The following NEDD4 variants were observed in gnomAD, a reference collection of about 807,000 sequenced individuals.
NEDD4 encodes the protein NEDD4 E3 ubiquitin protein ligase.
Under a neutral mutation model 144.9 loss-of-function variants are expected in NEDD4, and 99 were observed. The observed-to-expected ratio is 0.68, with a 90% confidence interval of 0.58 to 0.81. The LOEUF is 0.81. NEDD4 is among the 30% of genes least tolerant of loss of function. The pLI is 0.00. For missense variants in NEDD4, 985 were observed against 1,065.9 expected, an observed-to-expected ratio of 0.92 and a Z score of 1.06; for synonymous variants, 318 against 350.6, an observed-to-expected ratio of 0.91 and a Z score of 1.04.
At chr15:55,928,335 T>C (rs1418232850) in intron 4 of NEDD4, among the ~76,000 whole-genome samples, 2 of 152,132 alleles carry the variant, frequency 1.3e-5, no homozygotes, top group African/African-American at 2.4e-5. Flanking sequence ...TAATCTATCT[T>C]TCGTACTGTA....
At chr15:55,853,748 G>A (rs1464248509) in intron 12 of NEDD4, among the ~76,000 whole-genome samples, 1 of 152,190 alleles carries the variant, frequency 6.6e-6, no homozygotes, top group Non-Finnish European at 1.5e-5. Flanking sequence ...CAGCACTTTT[G>A]GGGGCTGAGG....
At chr15:55,899,994 G>A (rs1445661502) in intron 5 of NEDD4, among the ~76,000 whole-genome samples, 4 of 151,668 alleles carry the variant, frequency 2.6e-5, no homozygotes, top group African/African-American at 9.7e-5. Context: ...AGTTCTTGCT[G>A]TCTCTGAGAT....
intron 9 of NEDD4, among the ~76,000 whole-genome samples, chr15:55,862,438 G>A (rs542397174): frequency 4.2e-4 from 64 of 152,284 alleles, no homozygotes; most frequent in African/African-American, 5.8e-4. Flanking sequence ...TGATCTGTGC[G>A]TGCTGGAAGT....
intron 24 of NEDD4, 74 bp from the exon 25 acceptor site, chr15:55,834,360 T>A: frequency 3.4e-6 from 3 of 882,306 alleles, no homozygotes; most frequent in Non-Finnish European, 5.4e-6. Context: ...TTCTGGATGC[T>A]ACTGGAGGAA....
intron 24 of NEDD4, among the ~76,000 whole-genome samples, chr15:55,837,307 G>A (rs1374914491): frequency 6.6e-6 from 1 of 151,884 alleles, no homozygotes; most frequent in Non-Finnish European, 1.5e-5. Context: ...GCGGGCACCT[G>A]TAATCCCAGC....
intron 17 of NEDD4, 58 bp from the exon 18 acceptor site, chr15:55,847,092 A>T (rs1330707856): frequency 8.5e-7 from 1 of 1,170,362 alleles, no homozygotes; most frequent in African/African-American, 1.5e-5. Context: ...TTCTGGAACA[A>T]TTTTTATTTG....
chr15:55,854,054 A>G (rs1364590693), intron 12 of NEDD4, among the ~76,000 whole-genome samples: 1 of 152,034 alleles, frequency 6.6e-6, no homozygotes, highest in African/African-American at 2.4e-5. Flanking sequence ...GGGAGGCTGA[A>G]GCAGGAGAAT....
At chr15:55,963,993 C>T (rs2037468127) in intron 2 of NEDD4, among the ~76,000 whole-genome samples, 4 of 152,050 alleles carry the variant, frequency 2.6e-5, no homozygotes, top group South Asian at 2.1e-4. Flanking sequence ...ATTGTAGTTC[C>T]CCCATATATA....
At chr15:55,888,339 A>C (rs2035459231) in intron 5 of NEDD4, among the ~76,000 whole-genome samples, 1 of 152,218 alleles carries the variant, frequency 6.6e-6, no homozygotes, top group Admixed American at 6.5e-5. Flanking sequence ...TGCCAAGAGT[A>C]AACAATTTGT....
chr15:55,859,137 G>A (rs1298957094), intron 11 of NEDD4, among the ~76,000 whole-genome samples: 3 of 152,144 alleles, frequency 2.0e-5, no homozygotes, highest in African/African-American at 7.2e-5. Flanking sequence ...ATGAAAGGCA[G>A]GGAAACCTCA....
intron 5 of NEDD4, among the ~76,000 whole-genome samples, chr15:55,892,672 CCT>C (rs1483177549): frequency 6.6e-6 from 1 of 151,934 alleles, no homozygotes; most frequent in Non-Finnish European, 1.5e-5. Context: ...CCATTTTTAC[CCT>C]CTGTCCTTGC....
At chr15:55,906,773 AAGT>A (rs1451919142) in intron 5 of NEDD4, among the ~76,000 whole-genome samples, 4 of 152,160 alleles carry the variant, frequency 2.6e-5, no homozygotes, top group Non-Finnish European at 5.9e-5. Flanking sequence ...CTAGAACTTG[AAGT>A]ATAATTAAAA....
At chr15:55,907,489 T>C (rs2036138651) in intron 5 of NEDD4, among the ~76,000 whole-genome samples, 1 of 152,218 alleles carries the variant, frequency 6.6e-6, no homozygotes, top group African/African-American at 2.4e-5. Context: ...TATGCCATTG[T>C]CTCATTTCAA....
chr15:55,870,861 ATT>A (rs2034767566), intron 7 of NEDD4, among the ~76,000 whole-genome samples: 1 of 152,124 alleles, frequency 6.6e-6, no homozygotes, highest in African/African-American at 2.4e-5. Flanking sequence ...GTCCTCATCA[ATT>A]CTAGTATCCT....
At chr15:55,903,288 T>A (rs1475567968) in intron 5 of NEDD4, among the ~76,000 whole-genome samples, 1 of 152,162 alleles carries the variant, frequency 6.6e-6, no homozygotes, top group Non-Finnish European at 1.5e-5. Flanking sequence ...CAGTGCCCGA[T>A]GAGAGTCCTT....
intron 7 of NEDD4, among the ~76,000 whole-genome samples, chr15:55,870,529 C>CTTTTTTTTTTTTTTTTTTTTTTTTTTTTT (rs58174546): frequency 8.5e-6 from 1 of 117,422 alleles, no homozygotes. Flanking sequence ...TCTTCTTCTT[C>CTTTTTTTTTTTTTTTTTTTTTTTTTTTTT]TTTTTTTTTT....
chr15:55,911,001 T>C (rs1411631594), intron 5 of NEDD4, among the ~76,000 whole-genome samples: 3 of 152,084 alleles, frequency 2.0e-5, no homozygotes, highest in African/African-American at 7.2e-5. Context: ...CTAATCGGAC[T>C]CTGACCCACT....
chr15:55,954,748 T>A (rs2037307009), intron 2 of NEDD4, among the ~76,000 whole-genome samples: 2 of 152,186 alleles, frequency 1.3e-5, no homozygotes, highest in South Asian at 4.1e-4. Context: ...GGTCTTCAAC[T>A]CCCAGTTTCA....
intron 7 of NEDD4, among the ~76,000 whole-genome samples, chr15:55,870,041 G>C (rs1488674230): frequency 6.6e-6 from 1 of 152,058 alleles, no homozygotes; most frequent in Non-Finnish European, 1.5e-5. Flanking sequence ...GAGTAAAGAA[G>C]AGGGCAAGAT....
Sources: allele counts gnomAD v4.1 joint callset (sites outside exome capture counted in the v4.1 genomes callset), GRCh38; gene constraint gnomAD v4.1.1; transcripts MANE v1.5; gene names NCBI Gene and HGNC (gene_info 2026-07-23, HGNC 2026-07-21).